GRIA3: variants seen among roughly 807,000 people sequenced by gnomAD.
GRIA3 encodes glutamate receptor 3.
GRIA3 carries 3 observed loss-of-function variants against 63.0 expected under a neutral mutation model. The observed-to-expected ratio is 0.05, with a 90% CI of 0.02 to 0.12. The LOEUF (loss-of-function observed/expected upper bound fraction) is 0.12. Ranked by LOEUF, GRIA3 falls within the 10% of genes least tolerant of loss-of-function variation. The pLI, the probability that GRIA3 is intolerant of heterozygous loss-of-function variation, is 1.00. For missense variants in GRIA3, 347 were observed against 700.9 expected (o/e 0.50, Z 5.70); for synonymous variants, 274 against 257.9 (o/e 1.06, Z -0.60).
In GRIA3 at chrX:123,428,077, G is replaced by T; in HGVS notation, c.2014G>T (p.Ala672Ser). The change falls in exon 12 of 16, where the codon GCT (alanine) becomes TCT (serine). Residue 672 changes from alanine to serine, a missense_variant. By Grantham distance (99) the Ala-to-Ser change is moderately conservative. Transcript: ENST00000620443. ...TCCCATAGAGAGTGCTGAAGACTTA[G>T]CTAAACAGACTGAAATTGCATATGG... ...VSPIESAEDLAKQTEIAYGTL... is the reference protein window; with the variant it reads ...VSPIESAEDLSKQTEIAYGTL... 8.3e-7 allele frequency: 1 copy of T among 1,205,855 alleles called. No homozygotes were observed. The highest frequency in any genetic ancestry group is 1.8e-5 in the South Asian group (1 of 56,847).
At chrX:123,317,665 G>A (rs1446255170) in intron 3 of GRIA3, among the ~76,000 whole-genome samples, 1 of 112,168 alleles carries the variant, frequency 8.9e-6, no homozygotes, top group Non-Finnish European at 1.9e-5. Flanking sequence ...GTCGTGGGCA[G>A]CTCCACCCCT....
In GRIA3 at chrX:123,314,151, T is replaced by G. The variant is rs531647473; in HGVS notation, c.509-11875T>G. Among the ~76,000 whole-genome samples the G allele has an allele frequency of 6.2e-5, 7 of 112,346 alleles. No homozygotes were observed. In the South Asian group the frequency reaches 2.6e-3, roughly 42 times the overall value. On this transcript the variant is annotated intron_variant, in intron 3 of 15. Transcript: ENST00000620443. Reference sequence around the variant, plus strand: ...GCTTACTAACATCCATGTCACTCACTACTTGCTCTCTAGGAGACGCAGTCA... The same window carrying G: ...GCTTACTAACATCCATGTCACTCACGACTTGCTCTCTAGGAGACGCAGTCA...
intron 4 of GRIA3, among the ~76,000 whole-genome samples, chrX:123,339,455 A>T (rs1174542904): frequency 2.7e-5 from 3 of 111,962 alleles, no homozygotes; most frequent in Non-Finnish European, 5.6e-5. Context: ...AACCAATAAG[A>T]CATAGTTCCA....
chrX:123,410,479 G>A (rs73553787), intron 10 of GRIA3, among the ~76,000 whole-genome samples: 1,356 of 111,823 alleles, frequency 0.012, 26 homozygotes, highest in African/African-American at 0.041. Context: ...ACTCCTTCAC[G>A]CTCCCAGGAC....
chrX:123,423,968 CTT>C (rs1244364119), intron 11 of GRIA3, among the ~76,000 whole-genome samples: 1 of 111,672 alleles, frequency 9.0e-6, no homozygotes, highest in Non-Finnish European at 1.9e-5. Flanking sequence ...CTGTTTTCCT[CTT>C]GTTGCTAATT....
At chrX:123,450,095 A>G (rs758162602) in intron 12 of GRIA3, among the ~76,000 whole-genome samples, 8 of 112,258 alleles carry the variant, frequency 7.1e-5, no homozygotes, top group Non-Finnish European at 1.5e-4. Flanking sequence ...GGTGCTTTAC[A>G]TGAATTATCT....
chrX:123,352,042 C>T (rs2045098334), intron 4 of GRIA3, among the ~76,000 whole-genome samples: 1 of 110,743 alleles, frequency 9.0e-6, no homozygotes, highest in Admixed American at 9.6e-5. Context: ...CCCCTTCCCA[C>T]ATTTATATAG....
chrX:123,471,210 T>G (rs941651418), intron 13 of GRIA3, among the ~76,000 whole-genome samples: 8 of 111,682 alleles, frequency 7.2e-5, no homozygotes, highest in Admixed American at 6.7e-4. Context: ...CTCAAGTGAC[T>G]GCTTCAAGCA....
chrX:123,424,490 G>A (rs776111922), intron 11 of GRIA3, among the ~76,000 whole-genome samples: 1 of 111,912 alleles, frequency 8.9e-6, no homozygotes, highest in Admixed American at 9.5e-5. Flanking sequence ...TTTGAGGCGA[G>A]AATGTTGAAT....
chrX:123,351,299 C>A (rs1242835991), intron 4 of GRIA3, among the ~76,000 whole-genome samples: 1 of 111,440 alleles, frequency 9.0e-6, no homozygotes, highest in Non-Finnish European at 1.9e-5. Context: ...CCACCCTATT[C>A]CCATAAGCCC....
chrX:123,466,257 T>G (rs1184075154), intron 13 of GRIA3, among the ~76,000 whole-genome samples: 1 of 111,903 alleles, frequency 8.9e-6, no homozygotes, highest in South Asian at 3.7e-4. Context: ...TTCAATTATG[T>G]GTCTGAGTGA....
At chrX:123,483,330 G>A (rs182104932) in intron 15 of GRIA3, among the ~76,000 whole-genome samples, 6 of 111,121 alleles carry the variant, frequency 5.4e-5, no homozygotes, top group African/African-American at 2.0e-4. Context: ...CATGAGCCAC[G>A]TGTGCAATTT....
chrX:123,191,449 G>A (rs965302178), intron 2 of GRIA3, among the ~76,000 whole-genome samples: 5 of 111,987 alleles, frequency 4.5e-5, no homozygotes, highest in South Asian at 3.7e-4. Flanking sequence ...GCCTCAGCCC[G>A]TGTGTGGGAT....
At chrX:123,363,984 C>G (rs2045194573) in intron 5 of GRIA3, among the ~76,000 whole-genome samples, 1 of 111,500 alleles carries the variant, frequency 9.0e-6, no homozygotes, top group Non-Finnish European at 1.9e-5. Context: ...ATCTTTTAAT[C>G]TCTTCCCACT....
intron 7 of GRIA3, among the ~76,000 whole-genome samples, chrX:123,402,153 T>A (rs2045446535): frequency 9.0e-6 from 1 of 110,758 alleles, no homozygotes; most frequent in African/African-American, 3.3e-5. Context: ...ATAAATTTCA[T>A]CAGTCTTTGG....
At chrX:123,377,455 T>C (rs1202545193) in intron 5 of GRIA3, among the ~76,000 whole-genome samples, 1 of 111,889 alleles carries the variant, frequency 8.9e-6, no homozygotes, top group Non-Finnish European at 1.9e-5. Context: ...TCCCTCCCAT[T>C]AGTTGTAAGT....
chrX:123,257,325 T>C (rs1297226386), intron 3 of GRIA3, among the ~76,000 whole-genome samples: 1 of 110,026 alleles, frequency 9.1e-6, no homozygotes, highest in East Asian at 2.9e-4. Flanking sequence ...TCATCAACAA[T>C]AAGCCTATGT....
intron 5 of GRIA3, among the ~76,000 whole-genome samples, chrX:123,382,458 C>T (rs747083550): frequency 8.0e-5 from 9 of 111,950 alleles, no homozygotes; most frequent in Non-Finnish European, 1.3e-4. Flanking sequence ...AAACATTAGT[C>T]GACTGAGAGA....
At chrX:123,403,219 C>T in intron 8 of GRIA3, 121 bp downstream of exon 8, 1 of 590,457 alleles carries the variant, frequency 1.7e-6, no homozygotes, top group Admixed American at 2.3e-5. Context: ...GAGATGGGAA[C>T]CTCCAGGATG....
Sources: allele counts gnomAD v4.1 joint callset (sites outside exome capture counted in the v4.1 genomes callset), GRCh38; gene constraint gnomAD v4.1.1; transcripts MANE v1.5; gene names NCBI Gene and HGNC (gene_info 2026-07-23, HGNC 2026-07-21).